The following PRSS23 variants were observed in gnomAD, a reference collection of about 807,000 sequenced individuals.
The protein encoded by PRSS23 is protease, serine 23.
A neutral mutation model predicts 34.7 loss-of-function variants in PRSS23; 25 were observed. That is an observed-to-expected ratio of 0.72 (90% CI 0.53 to 1.01). The LOEUF (loss-of-function observed/expected upper bound fraction) is 1.01. Ranked by LOEUF, PRSS23 falls within the 50% of genes least tolerant of loss-of-function variation. The pLI is 0.00. For synonymous variants in PRSS23, 176 were observed against 186.6 expected, an observed-to-expected ratio of 0.94 and a Z score of 0.46; for missense variants, 445 against 475.6, an observed-to-expected ratio of 0.94 and a Z score of 0.60.
At chr11:86,847,434 G>T (rs935627374) in intron 2 of PRSS23, among the ~76,000 whole-genome samples, 1 of 152,208 alleles carries the variant, frequency 6.6e-6, no homozygotes, top group East Asian at 1.9e-4. Flanking sequence ...GGCAAGGGAA[G>T]TTTCCATCCT....
chr11:86,938,741 A>T (rs911954807), intron 2 of PRSS23, among the ~76,000 whole-genome samples: 1 of 22,506 alleles, frequency 4.4e-5, no homozygotes, highest in Non-Finnish European at 8.5e-5. Flanking sequence ...GGCTGGGGGT[A>T]GGGGTGGGGT....
chr11:86,821,844 G>A (rs1219866987), intron 1 of PRSS23: 7 of 475,538 alleles, frequency 1.5e-5, no homozygotes, highest in South Asian at 8.5e-5. Flanking sequence ...CTATTGGCTC[G>A]ATTTAATAAG....
At chr11:86,907,647 A>G (rs1431304772) in intron 2 of PRSS23, among the ~76,000 whole-genome samples, 4 of 152,028 alleles carry the variant, frequency 2.6e-5, no homozygotes, top group Admixed American at 6.6e-5. Context: ...TTTCGTAGAG[A>G]CAGAGTCCCT....
chr11:86,879,864 G>A (rs1232463992), intron 2 of PRSS23, among the ~76,000 whole-genome samples: 85 of 141,418 alleles, frequency 6.0e-4, no homozygotes, highest in South Asian at 7.0e-4. Flanking sequence ...CCGTCCGGGA[G>A]GTGAGGGGCG....
chr11:86,943,755 T>C (rs528353843), intron 2 of PRSS23, among the ~76,000 whole-genome samples: 2 of 152,268 alleles, frequency 1.3e-5, no homozygotes, highest in South Asian at 4.2e-4. Context: ...TTATTTATTA[T>C]TTATTTGGGA....
rs551471106 is a variant in PRSS23 at position 86,905,409 on chromosome 11, T to C, written c.207-45807T>C. ...ATGGTGCTCTTCCTACGGCACATCA[T>C]TGATACTCTTGCTCTAGCCTCTTCA... On this transcript the variant is annotated intron_variant, in intron 2 of 2. Coordinates refer to the PRSS23 transcript ENST00000533902. Among the ~76,000 whole-genome samples the C allele has an allele frequency of 7.9e-5, 12 of 152,318 alleles. No homozygotes were observed. In the South Asian group the frequency reaches 2.3e-3, roughly 29 times the overall value.
At chr11:86,817,292 C>T (rs1948221274) in intron 1 of PRSS23, among the ~76,000 whole-genome samples, 1 of 152,094 alleles carries the variant, frequency 6.6e-6, no homozygotes, top group African/African-American at 2.4e-5. Flanking sequence ...GTTTTAAAAA[C>T]TCTTTCTTTT....
intron 2 of PRSS23, chr11:86,936,386 G>C (rs772405257): frequency 1.3e-5 from 2 of 152,344 alleles, no homozygotes; most frequent in Non-Finnish European, 2.9e-5. Flanking sequence ...TCCTGCCTCA[G>C]CCTCCCGAGT....
At chr11:86,915,824 G>A (rs1258645763) in intron 2 of PRSS23, among the ~76,000 whole-genome samples, 1 of 152,070 alleles carries the variant, frequency 6.6e-6, no homozygotes, top group Non-Finnish European at 1.5e-5. Context: ...ACTAAGGCAG[G>A]TGGATCACTT....
Position 86,808,054 on chromosome 11 carries a change from C to A in PRSS23, c.411C>A (p.Phe137Leu), listed in dbSNP as rs747157083. ...AGATTTATGGCTATGACAGCAGGTTCAGCATTTTTGGGAAGGACTTCCTGC... is the reference window on the plus strand; with the variant it reads ...AGATTTATGGCTATGACAGCAGGTTAAGCATTTTTGGGAAGGACTTCCTGC... ...KRQIYGYDSR[F>L]SIFGKDFLLN... The change falls in exon 2 of 2, where the codon TTC becomes TTA. Residue 137 changes from phenylalanine (F) to leucine (L), a missense_variant. Coordinates refer to ENST00000280258, the MANE Select transcript of PRSS23 (RefSeq NM_007173.6). The A allele has an allele frequency of 1.2e-6, 2 of 1,614,034 alleles. No individual in the cohort carries two copies. Among genetic ancestry groups the A allele is most frequent in the Non-Finnish European group, 1.7e-6 (2 of 1,180,030 alleles).
chr11:86,933,794 A>C (rs1455979085), intron 2 of PRSS23: 1 of 152,228 alleles, frequency 6.6e-6, no homozygotes, highest in East Asian at 1.9e-4. Flanking sequence ...TAAATTTGTT[A>C]AACAATGGTG....
At chr11:86,951,381 T>G (rs1252071666) in exon 3 of PRSS23, 4 of 1,613,866 alleles carry the variant, frequency 2.5e-6, no homozygotes, top group Non-Finnish European at 3.4e-6. Flanking sequence ...CAGTTGGAGA[T>G]TTCATAAAAA....
intron 2 of PRSS23, chr11:86,934,375 CTCTT>C (rs1949147010): frequency 1.0e-5 from 1 of 95,656 alleles, no homozygotes; most frequent in Non-Finnish European, 2.6e-5. Flanking sequence ...CTCTCTCTCT[CTCTT>C]TGGTTTTTTC....
intron 2 of PRSS23, among the ~76,000 whole-genome samples, chr11:86,868,669 C>G (rs1350759417): frequency 6.6e-6 from 1 of 152,132 alleles, no homozygotes; most frequent in East Asian, 1.9e-4. Context: ...ACATCTTACT[C>G]TGGGAGGAGT....
At chr11:86,905,382 G>A (rs1039985910) in intron 2 of PRSS23, among the ~76,000 whole-genome samples, 24 of 152,142 alleles carry the variant, frequency 1.6e-4, no homozygotes, top group African/African-American at 4.8e-4. Flanking sequence ...CCATTCAAAC[G>A]TATGGTGCTC....
exon 3 of PRSS23, chr11:86,952,596 C>T (rs1022298483): frequency 1.5e-5 from 15 of 990,130 alleles, no homozygotes; most frequent in Non-Finnish European, 2.2e-5. Context: ...ACCAACCTAT[C>T]GGGAGTCTGT....
intron 2 of PRSS23, among the ~76,000 whole-genome samples, chr11:86,850,970 G>A (rs547096080): frequency 3.9e-5 from 6 of 152,100 alleles, no homozygotes; most frequent in African/African-American, 7.2e-5. Context: ...CTACCCATTC[G>A]GGACCCCTTC....
chr11:86,946,638 C>CT (rs1949245211), intron 2 of PRSS23: 3 of 152,562 alleles, frequency 2.0e-5, no homozygotes, highest in Admixed American at 1.3e-4. Flanking sequence ...GAAATGAAAT[C>CT]TATTATGTGG....
chr11:86,891,159 C>T (rs553903656), intron 2 of PRSS23, among the ~76,000 whole-genome samples: 2 of 152,264 alleles, frequency 1.3e-5, no homozygotes, highest in East Asian at 3.9e-4. Context: ...GAGACATTTA[C>T]AGCCGGCTCT....
Sources: gnomAD v4.1 joint callset for allele counts (sites outside exome capture counted in the v4.1 genomes callset) on GRCh38, gnomAD v4.1.1 for gene constraint, MANE v1.5 for transcripts, NCBI Gene and HGNC (gene_info 2026-07-23, HGNC 2026-07-21) for gene names.